The following RXFP1 variants were observed in gnomAD, a reference collection of about 807,000 sequenced individuals.
The protein encoded by RXFP1 is relaxin receptor 1.
A neutral mutation model predicts 89.8 loss-of-function variants in RXFP1; 73 were observed. The ratio of observed to expected loss-of-function variants is 0.81; its 90% confidence interval spans 0.67 to 0.99. The LOEUF is 0.99. Among genes scored for constraint, RXFP1 ranks in the 50% least tolerant of loss-of-function variants. RXFP1 has a pLI of 0.00. For missense variants in RXFP1, 793 were observed against 895.5 expected (o/e 0.89, Z 1.46); for synonymous variants, 277 against 305.5 (o/e 0.91, Z 0.97).
chr4:158,647,932 C>T (rs1771886443), intron 16 of RXFP1, among the ~76,000 whole-genome samples: 1 of 151,658 alleles, frequency 6.6e-6, no homozygotes, highest in South Asian at 2.1e-4. Context: ...AGGAGAATTG[C>T]TTGAACGCAG....
chr4:158,589,923 G>A (rs1047530332), intron 2 of RXFP1, among the ~76,000 whole-genome samples: 9 of 151,954 alleles, frequency 5.9e-5, no homozygotes, highest in African/African-American at 2.2e-4. Context: ...ATAGTGGTAT[G>A]CATCTATAGT....
chr4:158,644,833 G>A (rs1318809761), intron 14 of RXFP1, 76 bp from the exon 15 acceptor site: 4 of 972,682 alleles, frequency 4.1e-6, no homozygotes, highest in Non-Finnish European at 6.2e-6. Context: ...CCGATAAAAT[G>A]TAGGAAATAA....
intron 1 of RXFP1, among the ~76,000 whole-genome samples, chr4:158,546,977 G>A (rs1748618637): frequency 6.6e-6 from 1 of 152,078 alleles, no homozygotes; most frequent in South Asian, 2.1e-4. Context: ...ATGAGTTAGG[G>A]AGGATTCCCT....
chr4:158,616,194 G>A (rs1764530923), intron 8 of RXFP1, among the ~76,000 whole-genome samples: 2 of 152,056 alleles, frequency 1.3e-5, no homozygotes, highest in African/African-American at 4.8e-5. Flanking sequence ...GGCCGAGGTG[G>A]GCAGATCACC....
intron 2 of RXFP1, among the ~76,000 whole-genome samples, chr4:158,589,924 C>T (rs747665581): frequency 2.0e-5 from 3 of 151,994 alleles, no homozygotes; most frequent in Non-Finnish European, 4.4e-5. Flanking sequence ...TAGTGGTATG[C>T]ATCTATAGTC....
intron 1 of RXFP1, among the ~76,000 whole-genome samples, chr4:158,560,733 C>T (rs558436141): frequency 6.6e-6 from 1 of 152,212 alleles, no homozygotes; most frequent in East Asian, 1.9e-4. Flanking sequence ...ACACGATCAT[C>T]CCATCATGTT....
chr4:158,652,258 A>G lies in RXFP1; in HGVS notation c.*203A>G. 1 of 475,416 alleles carries G rather than the reference A, an allele frequency of 2.1e-6. No homozygotes were observed. Among genetic ancestry groups the G allele is most frequent in the East Asian group, 3.4e-5 (1 of 29,172 alleles). 29.4% of individuals were successfully genotyped at this position (475,416 alleles called of 1,614,324 possible). A position where few individuals can be genotyped will look rare whatever the true frequency, so the allele number is the denominator to read the frequency against. On this transcript the variant is annotated 3_prime_UTR_variant, in exon 18 of 18. Coordinates refer to ENST00000307765, the MANE Select transcript of RXFP1 (RefSeq NM_021634.4). ...CAATAATGTATATATATTAGTAGAC[A>G]TTTTGCATAAGAAATTAAGAGAAAT...
intron 1 of RXFP1, among the ~76,000 whole-genome samples, chr4:158,539,494 A>T (rs866291147): frequency 2.2e-4 from 33 of 149,884 alleles, no homozygotes; most frequent in Middle Eastern, 3.4e-3. Context: ...AATAAAATTT[A>T]AAAAAAAAAG....
intron 13 of RXFP1, among the ~76,000 whole-genome samples, chr4:158,638,505 G>T (rs548582192): frequency 2.1e-4 from 32 of 152,208 alleles, no homozygotes; most frequent in African/African-American, 7.5e-4. Flanking sequence ...CCAAAGAATT[G>T]CCTTAAAAGA....
At chr4:158,636,687 A>G (rs1024495800) in intron 12 of RXFP1, among the ~76,000 whole-genome samples, 2 of 152,240 alleles carry the variant, frequency 1.3e-5, no homozygotes, top group African/African-American at 4.8e-5. Flanking sequence ...AAATATGTAT[A>G]CATTGTGGAA....
intron 1 of RXFP1, among the ~76,000 whole-genome samples, chr4:158,538,904 G>A (rs1366721423): frequency 2.0e-5 from 3 of 151,868 alleles, no homozygotes; most frequent in South Asian, 4.2e-4. Flanking sequence ...TTCCTTACAC[G>A]TTCCACAGAT....
At chr4:158,635,655 T>C (rs10030877) in intron 12 of RXFP1, among the ~76,000 whole-genome samples, 15,090 of 152,148 alleles carry the variant, frequency 0.099, 2,407 homozygotes, top group African/African-American at 0.34. Context: ...TTCATATACA[T>C]CCTTTATTAT....
chr4:158,625,832 G>A lies in RXFP1; in HGVS notation c.756-988G>A, dbSNP rs148011447. Among the ~76,000 whole-genome samples, 359 of 152,170 alleles carry A rather than the reference G, an allele frequency of 2.4e-3. 1 individual carries two copies. Among genetic ancestry groups the A allele is most frequent in the Middle Eastern group, 6.8e-3 (2 of 294 alleles). ...CTTTATGTTACATGGTGACCAGTAA[G>A]CTGAGTGTTAGAAGAGGCTGAATAG... On this transcript the variant is annotated intron_variant, in intron 9 of 17. Transcript: ENST00000307765.
chr4:158,625,991 G>A (rs996484443), intron 9 of RXFP1, among the ~76,000 whole-genome samples: 11 of 151,998 alleles, frequency 7.2e-5, no homozygotes, highest in Admixed American at 2.6e-4. Flanking sequence ...AGATAACCAC[G>A]AAGAGACAGT....
intron 6 of RXFP1, among the ~76,000 whole-genome samples, chr4:158,610,976 T>C (rs773769541): frequency 1.3e-5 from 2 of 152,170 alleles, no homozygotes; most frequent in African/African-American, 2.4e-5. Flanking sequence ...GTGAATCTTG[T>C]ATTAGTGGAA....
intron 4 of RXFP1, 56 bp from the exon 5 acceptor site, chr4:158,605,012 T>A (rs1762316664): frequency 1.1e-5 from 11 of 979,046 alleles, no homozygotes. Context: ...CCTATTGTTG[T>A]AATTTAAAAG....
At chr4:158,594,334 G>A (rs1204016200) in intron 3 of RXFP1, among the ~76,000 whole-genome samples, 4 of 152,078 alleles carry the variant, frequency 2.6e-5, no homozygotes, top group South Asian at 4.1e-4. Context: ...AAACAGCCGC[G>A]TCCTCAGCCC....
At chr4:158,548,441 C>G (rs549304202) in intron 1 of RXFP1, among the ~76,000 whole-genome samples, 2 of 152,238 alleles carry the variant, frequency 1.3e-5, no homozygotes, top group South Asian at 2.1e-4. Flanking sequence ...GAGCATTTAG[C>G]CCATTTACAT....
Position 158,525,183 on chromosome 4 carries a change from C to T in RXFP1, c.49+3158C>T, listed in dbSNP as rs1742177953. Among the ~76,000 whole-genome samples, 3 of 151,252 alleles carry T rather than the reference C, an allele frequency of 2.0e-5. No homozygotes were observed. In the South Asian group the frequency reaches 6.3e-4, roughly 32 times the overall value. The stretch of plus-strand genomic sequence containing the variant: ...GAGAATAAACATACCAATATGCAGA[C>T]CACAGAGGTATACTGTGTCCCACCT... On this transcript the variant is annotated intron_variant, in intron 1 of 17. Coordinates refer to ENST00000307765, the MANE Select transcript of RXFP1 (RefSeq NM_021634.4).
Sources: gnomAD v4.1 joint callset for allele counts (sites outside exome capture counted in the v4.1 genomes callset) on GRCh38, gnomAD v4.1.1 for gene constraint, MANE v1.5 for transcripts, NCBI Gene and HGNC (gene_info 2026-07-23, HGNC 2026-07-21) for gene names.